The following PAPOLA variants were observed in gnomAD, a reference collection of about 807,000 sequenced individuals.
PAPOLA encodes poly(A) polymerase alpha, also known as polynucleotide adenylyltransferase alpha.
A neutral mutation model predicts 100.6 loss-of-function variants in PAPOLA; 15 were observed. That is an observed-to-expected ratio of 0.15 (90% CI 0.10 to 0.23). The LOEUF (loss-of-function observed/expected upper bound fraction) is 0.23, where lower values mean the gene tolerates loss of function less well. Ranked by LOEUF, PAPOLA falls within the 10% of genes least tolerant of loss-of-function variation. The pLI, the probability that PAPOLA is intolerant of heterozygous loss-of-function variation, is 1.00. For missense variants in PAPOLA, 533 were observed against 884.2 expected, an observed-to-expected ratio of 0.60 and a Z score of 5.04; for synonymous variants, 293 against 300.0, an observed-to-expected ratio of 0.98 and a Z score of 0.24.
intron 14 of PAPOLA, 121 bp from the exon 15 acceptor site, chr14:96,544,028 G>A (rs1400614245): frequency 4.7e-6 from 3 of 639,484 alleles, no homozygotes; most frequent in Non-Finnish European, 8.4e-6. Flanking sequence ...CTTGGGCTTA[G>A]AACTTTTAGT....
Position 96,538,038 on chromosome 14 carries a change from C to T in PAPOLA, c.1115+978C>T, listed in dbSNP as rs1260308602. 6.6e-5 allele frequency: 10 copies of T among 152,052 alleles called. No individual in the cohort carries two copies. The East Asian group carries it at 1.2e-3, about 18-fold the overall frequency. 9.4% of individuals were successfully genotyped at this position (152,052 alleles called of 1,614,324 possible). ...ATCATTAAATACTCTTATTTTACTA[C>T]GAATCCCCCCATAAATTGTGATTTC... is the stretch of plus-strand genomic sequence containing the variant. On this transcript the variant is annotated intron_variant, in intron 12 of 21. Coordinates refer to ENST00000216277, the MANE Select transcript of PAPOLA (RefSeq NM_032632.5).
chr14:96,546,445 A>G (rs188017633), intron 15 of PAPOLA, among the ~76,000 whole-genome samples: 1 of 152,252 alleles, frequency 6.6e-6, no homozygotes, highest in African/African-American at 2.4e-5. Context: ...GTCTCACTCA[A>G]AATAAAAGTC....
intron 1 of PAPOLA, among the ~76,000 whole-genome samples, chr14:96,514,932 T>C (rs1309676935): frequency 6.6e-6 from 1 of 152,162 alleles, no homozygotes; most frequent in Non-Finnish European, 1.5e-5. Flanking sequence ...CCCTTTTTTA[T>C]CAGATTGTTT....
intron 12 of PAPOLA, among the ~76,000 whole-genome samples, chr14:96,539,461 A>T (rs1377763622): frequency 6.6e-6 from 1 of 152,148 alleles, no homozygotes; most frequent in Admixed American, 6.5e-5. Flanking sequence ...TGCAAATAGC[A>T]GTTAGGTAAT....
intron 16 of PAPOLA, among the ~76,000 whole-genome samples, 190 bp from the exon 17 acceptor site, chr14:96,552,290 T>C (rs1191550127): frequency 6.6e-6 from 1 of 152,256 alleles, no homozygotes; most frequent in Non-Finnish European, 1.5e-5. Flanking sequence ...TTAATGTTGA[T>C]GCCTTCTTAG....
intron 17 of PAPOLA, among the ~76,000 whole-genome samples, chr14:96,554,274 A>G (rs1025429185): frequency 3.3e-5 from 5 of 152,244 alleles, no homozygotes; most frequent in African/African-American, 9.6e-5. Context: ...TAGCCATTTC[A>G]GGCTTTCTTC....
At chr14:96,519,633 A>C (rs902388650) in intron 1 of PAPOLA, among the ~76,000 whole-genome samples, 2 of 152,156 alleles carry the variant, frequency 1.3e-5, no homozygotes, top group African/African-American at 4.8e-5. Context: ...TATTTGCTTC[A>C]TTATCTATGA....
chr14:96,509,965 C>CTTTTTTT (rs11372552), intron 1 of PAPOLA, among the ~76,000 whole-genome samples: 17 of 84,416 alleles, frequency 2.0e-4, no homozygotes, highest in African/African-American at 5.5e-4. Context: ...GTGGGAGTTG[C>CTTTTTTT]TTTTTTTTTT....
chr14:96,539,106 G>T (rs1899767760), intron 12 of PAPOLA, among the ~76,000 whole-genome samples: 1 of 152,054 alleles, frequency 6.6e-6, no homozygotes, highest in Admixed American at 6.6e-5. Flanking sequence ...CCGCTTCTGA[G>T]ATAATTCAAG....
chr14:96,540,723 A>G (rs1236507789), intron 12 of PAPOLA, among the ~76,000 whole-genome samples: 3 of 152,108 alleles, frequency 2.0e-5, no homozygotes, highest in Non-Finnish European at 2.9e-5. Context: ...CTTGTTTTTT[A>G]TATATCTATC....
At position 96,534,648 on chromosome 14, in the gene PAPOLA, A is replaced by G. The variant is rs1161090438; in HGVS notation, c.909+85A>G. The G allele has an allele frequency of 4.4e-6, 7 of 1,603,738 alleles. No homozygotes were observed. The African/African-American group carries it at 9.4e-5, about 22-fold the overall frequency. ...CTGCATAAACTCCAGGGAGACTTCC[A>G]GCCTTTTACTTATGAATGGTCATGT... On this transcript the variant is annotated intron_variant, in intron 10 of 21. Coordinates refer to ENST00000216277, the MANE Select transcript of PAPOLA (RefSeq NM_032632.5).
chr14:96,554,881 A>C (rs985338596), intron 17 of PAPOLA, among the ~76,000 whole-genome samples: 1 of 152,128 alleles, frequency 6.6e-6, no homozygotes, highest in Non-Finnish European at 1.5e-5. Flanking sequence ...TATAGGAAAG[A>C]ATAGGGGTTA....
At chr14:96,560,574 ATAAAG>A (rs1901754668) in intron 19 of PAPOLA, 70 bp from the exon 20 acceptor site, 2 of 933,634 alleles carry the variant, frequency 2.1e-6, no homozygotes, top group Non-Finnish European at 3.5e-6. Context: ...TTTAAAGTTT[ATAAAG>A]TAAAGCATTG....
chr14:96,526,119 C>T (rs1386994732), intron 4 of PAPOLA: 2 of 152,144 alleles, frequency 1.3e-5, no homozygotes, highest in Admixed American at 6.5e-5. Flanking sequence ...TAGTTATTTC[C>T]TCTATGCAAA....
chr14:96,522,419 C>CTT (rs377164585), intron 3 of PAPOLA, among the ~76,000 whole-genome samples: 1 of 145,912 alleles, frequency 6.9e-6, no homozygotes, highest in Non-Finnish European at 1.5e-5. Flanking sequence ...GTTCTGTCCT[C>CTT]TTTTTTTTTT....
chr14:96,533,470 A>G (rs1005481835), intron 9 of PAPOLA: 1 of 984,362 alleles, frequency 1.0e-6, no homozygotes, highest in African/African-American at 1.7e-5. Flanking sequence ...CACACTTTTC[A>G]GTACACATTC....
intron 21 of PAPOLA, among the ~76,000 whole-genome samples, chr14:96,564,269 G>A (rs892113233): frequency 1.8e-4 from 28 of 152,028 alleles, no homozygotes; most frequent in Admixed American, 2.0e-4. Flanking sequence ...AAAGTGGGAG[G>A]ACAGTGGCTT....
At chr14:96,527,137 ATGTTT>A in intron 4 of PAPOLA, 2 of 360,040 alleles carry the variant, frequency 5.6e-6, no homozygotes, top group Non-Finnish European at 5.0e-6. Flanking sequence ...TGTTGGGTGT[ATGTTT>A]GAATAATTCC....
intron 9 of PAPOLA, chr14:96,533,066 T>C: frequency 1.0e-6 from 1 of 979,636 alleles, no homozygotes; most frequent in Non-Finnish European, 1.2e-6. Flanking sequence ...AGCATTTATT[T>C]GGCCTAATAT....
Sources: allele counts gnomAD v4.1 joint callset (sites outside exome capture counted in the v4.1 genomes callset), GRCh38; gene constraint gnomAD v4.1.1; transcripts MANE v1.5; gene names NCBI Gene and HGNC (gene_info 2026-07-23, HGNC 2026-07-21).